The following PDE8B variants were observed in gnomAD, a reference collection of about 807,000 sequenced individuals.
PDE8B encodes the protein phosphodiesterase 8B.
PDE8B carries 26 observed loss-of-function variants against 101.3 expected under a neutral mutation model. The observed-to-expected ratio is 0.26, with a 90% CI of 0.19 to 0.36. PDE8B has a LOEUF of 0.36. PDE8B is among the 10% of genes least tolerant of loss of function. The probability of loss-of-function intolerance (pLI) is 1.00; values close to 1 mark genes in which losing one functional copy is unlikely to be tolerated. For missense variants in PDE8B, 810 were observed against 1,163.1 expected, an observed-to-expected ratio of 0.70 and a Z score of 4.42; for synonymous variants, 424 against 429.3, an observed-to-expected ratio of 0.99 and a Z score of 0.15.
At chr5:77,287,539 A>C (rs1766291974) in intron 1 of PDE8B, among the ~76,000 whole-genome samples, 1 of 149,292 alleles carries the variant, frequency 6.7e-6, no homozygotes, top group Admixed American at 6.7e-5. Context: ...TTCTCTTCAA[A>C]TATTGTTCCT....
At chr5:77,400,328 G>A in intron 11 of PDE8B, 38 bp downstream of exon 11, 1 of 1,251,622 alleles carries the variant, frequency 8.0e-7, no homozygotes. Context: ...ATACTTAGGA[G>A]GCAGCTGTGG....
At chr5:77,388,966 G>A (rs898185954) in intron 10 of PDE8B, among the ~76,000 whole-genome samples, 3 of 152,124 alleles carry the variant, frequency 2.0e-5, no homozygotes, top group South Asian at 2.1e-4. Flanking sequence ...CTACTGTGCC[G>A]GCAGCGAGAA....
At chr5:77,415,450 C>G (rs576986015) in intron 17 of PDE8B, among the ~76,000 whole-genome samples, 11 of 150,346 alleles carry the variant, frequency 7.3e-5, no homozygotes, top group Non-Finnish European at 1.5e-4. Context: ...CTCTGCCTCC[C>G]AGGTTCAAGC....
intron 1 of PDE8B, among the ~76,000 whole-genome samples, chr5:77,240,120 T>C (rs370150221): frequency 7.2e-5 from 11 of 151,852 alleles, no homozygotes; most frequent in African/African-American, 2.7e-4. Flanking sequence ...AGTCATTCAA[T>C]TGAGAGTTTT....
At chr5:77,102,172 C>T in the PDE8B span, among the ~76,000 whole-genome samples, 7 of 152,150 alleles carry the variant, frequency 4.6e-5, no homozygotes, top group African/African-American at 1.7e-4. Flanking sequence ...GTTGGATGGC[C>T]GTGCTGGCCA....
At chr5:77,359,230 C>A (rs891805305) in intron 10 of PDE8B, among the ~76,000 whole-genome samples, 3 of 152,148 alleles carry the variant, frequency 2.0e-5, no homozygotes, top group Admixed American at 2.0e-4. Context: ...CAACTTCACG[C>A]TTGGTGGTGA....
chr5:77,172,557 TAA>T, the PDE8B span, among the ~76,000 whole-genome samples: 2 of 152,212 alleles, frequency 1.3e-5, no homozygotes, highest in African/African-American at 4.8e-5. Flanking sequence ...ACTAGTCACT[TAA>T]AAGAGCAACA....
At chr5:77,165,162 A>G in the PDE8B span, among the ~76,000 whole-genome samples, 1 of 152,338 alleles carries the variant, frequency 6.6e-6, no homozygotes, top group South Asian at 2.1e-4. Context: ...GTCTCACCAT[A>G]CAAATCTCAG....
intron 19 of PDE8B, among the ~76,000 whole-genome samples, chr5:77,420,089 G>GC (rs1305288230): frequency 2.0e-5 from 3 of 152,142 alleles, no homozygotes; most frequent in Admixed American, 6.5e-5. Flanking sequence ...CTCCTTGAAA[G>GC]AAAGGCCCTG....
In PDE8B at chr5:77,242,103, C is replaced by T. The variant is rs1213626138; in HGVS notation, c.339+30839C>T. Reference sequence around the variant, plus strand: ...CTCCAACTTAATGCAATTATAAAACCTGGCGAGAATGCATGGAGCAATTAT... The same window carrying T: ...CTCCAACTTAATGCAATTATAAAACTTGGCGAGAATGCATGGAGCAATTAT... On this transcript the variant is annotated intron_variant, in intron 1 of 21. Coordinates refer to ENST00000264917, the MANE Select transcript of PDE8B (RefSeq NM_003719.5). Among the ~76,000 whole-genome samples the T allele has an allele frequency of 2.6e-5, 4 of 152,274 alleles. No homozygotes were observed. The South Asian group carries it at 6.2e-4, about 24-fold the overall frequency.
intron 20 of PDE8B, among the ~76,000 whole-genome samples, chr5:77,422,746 G>A (rs566088292): frequency 3.3e-4 from 50 of 151,312 alleles, no homozygotes; most frequent in African/African-American, 1.2e-3. Flanking sequence ...CAAACAAGCA[G>A]CCACAAGTAG....
the PDE8B span, among the ~76,000 whole-genome samples, chr5:77,091,329 A>C: frequency 6.6e-6 from 1 of 152,220 alleles, no homozygotes; most frequent in African/African-American, 2.4e-5. Context: ...TCAATAAAAA[A>C]ATGAAAAAGA....
the PDE8B span, among the ~76,000 whole-genome samples, chr5:77,179,695 C>G: frequency 1.3e-5 from 2 of 152,092 alleles, no homozygotes; most frequent in Non-Finnish European, 2.9e-5. Flanking sequence ...TGTAAATTGT[C>G]CCTACAATTA....
chr5:77,398,657 C>T (rs935854926), intron 10 of PDE8B, among the ~76,000 whole-genome samples: 2 of 152,302 alleles, frequency 1.3e-5, no homozygotes, highest in Non-Finnish European at 2.9e-5. Context: ...TGGCTGGCTC[C>T]CGCTAAGACA....
intron 21 of PDE8B, 59 bp downstream of exon 21, chr5:77,425,955 T>G: frequency 6.6e-7 from 1 of 1,516,460 alleles, no homozygotes; most frequent in Non-Finnish European, 9.2e-7. Flanking sequence ...GAATATTATC[T>G]TTAGTGACAC....
intron 10 of PDE8B, among the ~76,000 whole-genome samples, chr5:77,379,370 C>A (rs1258460999): frequency 3.9e-5 from 6 of 152,158 alleles, no homozygotes; most frequent in African/African-American, 1.4e-4. Flanking sequence ...AATTCATATG[C>A]AGTTTCATCT....
intron 1 of PDE8B, among the ~76,000 whole-genome samples, chr5:77,234,592 G>A (rs1259586231): frequency 6.6e-6 from 1 of 152,098 alleles, no homozygotes; most frequent in Non-Finnish European, 1.5e-5. Flanking sequence ...GTTTGCCCTT[G>A]GGTGCTGCAG....
At chr5:77,341,869 G>A (rs533134047) in intron 6 of PDE8B, among the ~76,000 whole-genome samples, 2 of 152,292 alleles carry the variant, frequency 1.3e-5, no homozygotes, top group African/African-American at 4.8e-5. Context: ...TTCAAATTAG[G>A]TAGACTGGAG....
chr5:77,093,556 A>G, the PDE8B span, among the ~76,000 whole-genome samples: 1 of 152,156 alleles, frequency 6.6e-6, no homozygotes, highest in Non-Finnish European at 1.5e-5. Context: ...TGCTCAACTA[A>G]AATTTTTCAG....
Sources: allele counts gnomAD v4.1 joint callset (sites outside exome capture counted in the v4.1 genomes callset), GRCh38; gene constraint gnomAD v4.1.1; transcripts MANE v1.5; gene names NCBI Gene and HGNC (gene_info 2026-07-23, HGNC 2026-07-21).